Variants in RGS8 observed in about 807,000 individuals in gnomAD.
RGS8 encodes the protein regulator of G-protein signaling 8.
A neutral mutation model predicts 21.7 loss-of-function variants in RGS8; 8 were observed. That is an observed-to-expected ratio of 0.37 (90% CI 0.22 to 0.66). The LOEUF is 0.66. Among genes scored for constraint, RGS8 ranks in the 30% least tolerant of loss-of-function variants. The pLI is 0.59. For missense variants in RGS8, 157 were observed against 217.9 expected (o/e 0.72, Z 1.76); for synonymous variants, 80 against 83.6 (o/e 0.96, Z 0.24).
At chr1:182,681,394 C>T (rs1367525050) in intron 1 of RGS8, among the ~76,000 whole-genome samples, 1 of 152,212 alleles carries the variant, frequency 6.6e-6, no homozygotes, top group Non-Finnish European at 1.5e-5. Flanking sequence ...CAGAGAGCAG[C>T]TTCAGCACTC....
chr1:182,726,034 A>G, the RGS8 span, among the ~76,000 whole-genome samples: 1 of 152,168 alleles, frequency 6.6e-6, no homozygotes, highest in South Asian at 2.1e-4. Context: ...CACTGCTTAA[A>G]TTGCCTCTGG....
At chr1:182,713,581 G>A in the RGS8 span, among the ~76,000 whole-genome samples, 4 of 152,154 alleles carry the variant, frequency 2.6e-5, no homozygotes, top group African/African-American at 9.7e-5. Flanking sequence ...ACCACAGGAT[G>A]AACCTGAGGT....
the RGS8 span, among the ~76,000 whole-genome samples, chr1:182,738,963 ATC>A: frequency 6.6e-6 from 1 of 152,240 alleles, no homozygotes; most frequent in African/African-American, 2.4e-5. Flanking sequence ...TAAAGAGACA[ATC>A]TCTCTTTCAT....
At chr1:182,650,768 A>C (rs944545326) in intron 5 of RGS8, among the ~76,000 whole-genome samples, 2 of 152,194 alleles carry the variant, frequency 1.3e-5, no homozygotes, top group African/African-American at 4.8e-5. Context: ...TGGGAGGATC[A>C]CCTGAACCCT....
chr1:182,720,148 A>C, the RGS8 span, among the ~76,000 whole-genome samples: 1 of 152,228 alleles, frequency 6.6e-6, no homozygotes, highest in Non-Finnish European at 1.5e-5. Context: ...TGAAGATTTT[A>C]AAAAGTCTTC....
chr1:182,653,461 C>T (rs1052745764), intron 5 of RGS8, among the ~76,000 whole-genome samples: 4 of 151,038 alleles, frequency 2.6e-5, no homozygotes, highest in African/African-American at 7.3e-5. Context: ...TTTGGGAGGC[C>T]GAGGAGAGCA....
At chr1:182,709,446 T>C in the RGS8 span, among the ~76,000 whole-genome samples, 3 of 152,172 alleles carry the variant, frequency 2.0e-5, no homozygotes, top group Non-Finnish European at 4.4e-5. Context: ...CAGTTAAAGA[T>C]AATAATCTTT....
chr1:182,691,088 A>T, the RGS8 span, among the ~76,000 whole-genome samples: 1 of 152,232 alleles, frequency 6.6e-6, no homozygotes, highest in South Asian at 2.1e-4. Context: ...CTACCAGCCA[A>T]TCCACCAGCT....
intron 2 of RGS8, among the ~76,000 whole-genome samples, chr1:182,670,026 G>A (rs1047882937): frequency 5.9e-5 from 9 of 152,224 alleles, no homozygotes; most frequent in Non-Finnish European, 1.2e-4. Flanking sequence ...CAGGGGAGGC[G>A]TGGGCCTAGC....
the RGS8 span, among the ~76,000 whole-genome samples, chr1:182,694,272 T>C: frequency 1.3e-5 from 2 of 152,238 alleles, no homozygotes; most frequent in Admixed American, 1.3e-4. Context: ...ACTTATCTAA[T>C]ACAGCTTTGC....
In RGS8 at chr1:182,682,242, A is replaced by C. The variant is rs1238525733; in HGVS notation, n.221+2114T>G. 2.0e-5 allele frequency among the ~76,000 whole-genome samples: 3 copies of C among 152,174 alleles called. No homozygotes were observed. In the East Asian group the frequency reaches 5.8e-4, roughly 29 times the overall value. On this transcript the variant is annotated intron_variant and non_coding_transcript_variant, in intron 1 of 4. Transcript: ENST00000515211. ...TTTGTTACTTATAATCACAAGTCAC[A>C]AGTTGGAGCTGGGATTGAGAAAGGA...
At chr1:182,673,783 G>A (rs762439815), upstream of RGS8, among the ~76,000 whole-genome samples, 4 of 152,082 alleles carry the variant, frequency 2.6e-5, no homozygotes, top group Non-Finnish European at 5.9e-5. Flanking sequence ...TTGGTACACG[G>A]CACCATAAGA....
upstream of RGS8, among the ~76,000 whole-genome samples, chr1:182,686,797 A>C (rs1016150144): frequency 3.3e-5 from 5 of 152,148 alleles, no homozygotes; most frequent in Non-Finnish European, 7.4e-5. Context: ...GAATCACCCA[A>C]GGACAGCAAG....
upstream of RGS8, among the ~76,000 whole-genome samples, chr1:182,674,059 C>A (rs1664278214): frequency 6.6e-6 from 1 of 152,212 alleles, no homozygotes; most frequent in Non-Finnish European, 1.5e-5. Context: ...GTATCTAGCA[C>A]CAAACCTGAT....
chr1:182,733,910 A>C, the RGS8 span: 3 of 144,542 alleles, frequency 2.1e-5, no homozygotes, highest in African/African-American at 8.0e-5. Context: ...TTATTTATTT[A>C]TTTATTTTTA....
the RGS8 span, among the ~76,000 whole-genome samples, chr1:182,750,720 G>C: frequency 6.6e-6 from 1 of 152,118 alleles, no homozygotes; most frequent in African/African-American, 2.4e-5. Context: ...TATGAAGTAG[G>C]CAAAGAAGAA....
chr1:182,691,381 G>A, the RGS8 span, among the ~76,000 whole-genome samples: 11 of 152,012 alleles, frequency 7.2e-5, no homozygotes, highest in Non-Finnish European at 1.2e-4. Flanking sequence ...AATGAAATCT[G>A]GGCTTTATTA....
chr1:182,732,121 A>T, the RGS8 span, among the ~76,000 whole-genome samples: 1 of 152,094 alleles, frequency 6.6e-6, no homozygotes. Flanking sequence ...GTTTTCCCAG[A>T]CTACACTTCC....
chr1:182,729,582 G>A, the RGS8 span, among the ~76,000 whole-genome samples: 7 of 151,998 alleles, frequency 4.6e-5, no homozygotes, highest in African/African-American at 1.7e-4. Flanking sequence ...AAAAAATATA[G>A]GGTCCTTCCT....
Sources: gnomAD v4.1 joint callset for allele counts (sites outside exome capture counted in the v4.1 genomes callset) on GRCh38, gnomAD v4.1.1 for gene constraint, MANE v1.5 for transcripts, NCBI Gene and HGNC (gene_info 2026-07-23, HGNC 2026-07-21) for gene names.